Variants in UNC13C observed in about 807,000 individuals in gnomAD.
UNC13C encodes the protein protein unc-13 homolog C.
Under a neutral mutation model 245.4 loss-of-function variants are expected in UNC13C, and 174 were observed. That is an observed-to-expected ratio of 0.71 (90% CI 0.63 to 0.80). UNC13C has a LOEUF of 0.80. UNC13C is among the 30% of genes least tolerant of loss of function. The probability of loss-of-function intolerance (pLI) is 0.00; values close to 1 mark genes in which losing one functional copy is unlikely to be tolerated. For synonymous variants in UNC13C, 992 were observed against 895.1 expected (o/e 1.11, Z -1.93); for missense variants, 2,829 against 2,602.9 (o/e 1.09, Z -1.89).
intron 1 of UNC13C, among the ~76,000 whole-genome samples, chr15:53,987,652 G>A (rs1422541719): frequency 2.0e-5 from 3 of 151,954 alleles, no homozygotes; most frequent in Non-Finnish European, 4.4e-5. Context: ...TCAGCAATTG[G>A]CTCTGAAAGA....
chr15:53,886,770 A>G, the UNC13C span, among the ~76,000 whole-genome samples: 5 of 152,142 alleles, frequency 3.3e-5, no homozygotes, highest in African/African-American at 1.2e-4. Context: ...CTAGTTACAA[A>G]TCAGGTTGAT....
In UNC13C at chr15:54,511,822, G is replaced by A; in HGVS notation, c.5449G>A (p.Gly1817Arg). ...GGAAAAAATGTTTGAATCCATGGGAGGGAAGGAGGTGGGTATCTTTTTCTC... is the reference window on the plus strand; with the variant it reads ...GGAAAAAATGTTTGAATCCATGGGAAGGAAGGAGGTGGGTATCTTTTTCTC... ...QLEKMFESMG[G>R]KELDSEASTI... The change falls in exon 24 of 33, where the codon GGG becomes AGG. Residue 1817 changes from glycine to arginine, a missense_variant. By Grantham distance (125) the Gly-to-Arg change is moderately radical. Transcript: ENST00000260323. The A allele has an allele frequency of 6.2e-7, 1 of 1,606,528 alleles. No homozygotes were observed. Among genetic ancestry groups the A allele is most frequent in the Non-Finnish European group, 8.5e-7 (1 of 1,176,076 alleles).
chr15:53,865,970 A>ATT, the UNC13C span, among the ~76,000 whole-genome samples: 1 of 152,178 alleles, frequency 6.6e-6, no homozygotes, highest in Non-Finnish European at 1.5e-5. Flanking sequence ...ATAACAAATA[A>ATT]ATAACTAAAA....
the UNC13C span, among the ~76,000 whole-genome samples, chr15:53,866,193 C>T: frequency 6.6e-6 from 1 of 152,058 alleles, no homozygotes; most frequent in African/African-American, 2.4e-5. Flanking sequence ...TTAATAAATG[C>T]TTAGAAATAT....
intron 10 of UNC13C, among the ~76,000 whole-genome samples, chr15:54,267,360 A>G (rs1171201279): frequency 6.6e-6 from 1 of 151,368 alleles, no homozygotes; most frequent in Non-Finnish European, 1.5e-5. Flanking sequence ...TATGATGCCA[A>G]ATCAGAGGTA....
chr15:54,136,599 A>T (rs1315519738), intron 2 of UNC13C, among the ~76,000 whole-genome samples: 1 of 152,000 alleles, frequency 6.6e-6, no homozygotes, highest in African/African-American at 2.4e-5. Flanking sequence ...AGAAACGATG[A>T]GAGTGGGAGC....
At chr15:54,121,531 A>G (rs1427042821) in intron 2 of UNC13C, among the ~76,000 whole-genome samples, 1 of 151,924 alleles carries the variant, frequency 6.6e-6, no homozygotes, top group Non-Finnish European at 1.5e-5. Flanking sequence ...GTTTTGTTGC[A>G]ATAATTATTT....
the UNC13C span, among the ~76,000 whole-genome samples, chr15:53,889,403 G>T: frequency 1.5e-3 from 235 of 152,298 alleles, no homozygotes; most frequent in Admixed American, 2.9e-3. Flanking sequence ...CATTGATTTT[G>T]TATCCTGAGA....
intron 30 of UNC13C, chr15:54,609,480 T>A (rs1899958414): frequency 1.3e-5 from 2 of 152,222 alleles, no homozygotes; most frequent in Admixed American, 1.3e-4. Context: ...CACAGGGTTT[T>A]AAATCAATGA....
At chr15:54,173,367 C>A (rs1401078016) in intron 4 of UNC13C, among the ~76,000 whole-genome samples, 1 of 151,916 alleles carries the variant, frequency 6.6e-6, no homozygotes, top group African/African-American at 2.4e-5. Flanking sequence ...AATGTGTCTC[C>A]ATTTATTTAG....
chr15:54,336,233 G>A (rs920176497), intron 16 of UNC13C, among the ~76,000 whole-genome samples: 1 of 152,006 alleles, frequency 6.6e-6, no homozygotes, highest in South Asian at 2.1e-4. Flanking sequence ...ATACATTGCA[G>A]AATGGCTAAA....
chr15:54,347,984 T>A (rs2038897202), intron 17 of UNC13C, among the ~76,000 whole-genome samples: 2 of 152,194 alleles, frequency 1.3e-5, no homozygotes, highest in Admixed American at 1.3e-4. Flanking sequence ...TAGAAATAGG[T>A]AATACAGTAT....
chr15:54,322,871 A>G (rs967441487), intron 14 of UNC13C, among the ~76,000 whole-genome samples: 5 of 152,046 alleles, frequency 3.3e-5, no homozygotes, highest in African/African-American at 1.2e-4. Flanking sequence ...AGCAGCCTCA[A>G]TAGCATTTGG....
the UNC13C span, among the ~76,000 whole-genome samples, chr15:53,850,186 C>T: frequency 1.3e-5 from 2 of 152,088 alleles, 1 homozygote; most frequent in Non-Finnish European, 2.9e-5. Context: ...GAGGATGAGG[C>T]AGGAGGATCA....
At chr15:53,946,912 G>T in the UNC13C span, among the ~76,000 whole-genome samples, 1 of 151,990 alleles carries the variant, frequency 6.6e-6, no homozygotes, top group Non-Finnish European at 1.5e-5. Flanking sequence ...TTTTGTTGAG[G>T]ATTTTTGCAT....
intron 2 of UNC13C, among the ~76,000 whole-genome samples, chr15:54,052,830 G>C (rs1365402568): frequency 6.6e-6 from 1 of 152,114 alleles, no homozygotes; most frequent in African/African-American, 2.4e-5. Context: ...TTGTTAATTT[G>C]ATTTTATAAG....
chr15:54,357,776 T>C (rs1567212435), intron 17 of UNC13C, among the ~76,000 whole-genome samples: 1 of 152,092 alleles, frequency 6.6e-6, no homozygotes, highest in Non-Finnish European at 1.5e-5. Context: ...GGTTTCCATA[T>C]AAATTTCCCT....
At chr15:54,336,596 G>T (rs772379757) in intron 16 of UNC13C, among the ~76,000 whole-genome samples, 64 of 151,464 alleles carry the variant, frequency 4.2e-4, no homozygotes, top group Non-Finnish European at 7.1e-4. Context: ...TTATATTTGG[G>T]CATATTTTTT....
intron 4 of UNC13C, among the ~76,000 whole-genome samples, chr15:54,147,789 C>CAT (rs71132783): frequency 3.1e-4 from 46 of 147,586 alleles, no homozygotes; most frequent in East Asian, 1.0e-3. Flanking sequence ...AAGGTGTGTG[C>CAT]GTGTGTGTGT....
Sources: allele counts gnomAD v4.1 joint callset (sites outside exome capture counted in the v4.1 genomes callset), GRCh38; gene constraint gnomAD v4.1.1; transcripts MANE v1.5; gene names NCBI Gene and HGNC (gene_info 2026-07-23, HGNC 2026-07-21).